The following KIF1A variants were observed in gnomAD, a reference collection of about 807,000 sequenced individuals.
KIF1A encodes the protein kinesin-like protein KIF1A.
Under a neutral mutation model 227.3 loss-of-function variants are expected in KIF1A, and 46 were observed. The ratio of observed to expected loss-of-function variants is 0.20; its 90% confidence interval spans 0.16 to 0.26. The LOEUF is 0.26. KIF1A is among the 10% of genes least tolerant of loss of function. The pLI is 1.00. For missense variants in KIF1A, 1,683 were observed against 2,485.9 expected (o/e 0.68, Z 6.87); for synonymous variants, 1,022 against 1,012.8 (o/e 1.01, Z -0.17).
intron 38 of KIF1A, among the ~76,000 whole-genome samples, chr2:240,732,134 A>AGGGGAGGAGGAAGAGGGGAGGG (rs1390526674): frequency 7.1e-5 from 1 of 14,012 alleles, no homozygotes; most frequent in African/African-American, 3.3e-4. Context: ...GGAGGGGAGG[A>AGGGGAGGAGGAAGAGGGGAGGG]GGGGATGAGG....
At chr2:240,731,010 G>A (rs535082366) in intron 38 of KIF1A, among the ~76,000 whole-genome samples, 5 of 152,324 alleles carry the variant, frequency 3.3e-5, no homozygotes, top group Non-Finnish European at 5.9e-5. Context: ...GCCTGACTGA[G>A]CCCTGCCCTG....
upstream of KIF1A, among the ~76,000 whole-genome samples, chr2:240,820,839 G>T (rs1483699694): frequency 6.6e-6 from 1 of 152,052 alleles, no homozygotes; most frequent in Non-Finnish European, 1.5e-5. The surrounding 1 kb of genome is among the most constrained non-coding windows in gnomAD (Gnocchi z 6.2). Flanking sequence ...CGGACCCGCC[G>T]CCTCGCCTCT....
In KIF1A at chr2:240,782,992, C is replaced by T. The variant is rs552446949; in HGVS notation, c.864+52G>A. Reference sequence around the variant, plus strand: ...CGAGGGTGACAGGGGCAGGATGGGGCGCCAAAGACCCTCTGGGGTTCTGGC... The same window carrying T: ...CGAGGGTGACAGGGGCAGGATGGGGTGCCAAAGACCCTCTGGGGTTCTGGC... On this transcript the variant is annotated intron_variant, in intron 9 of 48. Transcript: ENST00000498729. 46 of 1,421,250 alleles carry T rather than the reference C, an allele frequency of 3.2e-5. No individual in the cohort carries two copies. The East Asian group carries it at 6.8e-4, about 21-fold the overall frequency. 88.0% of individuals were successfully genotyped at this position (1,421,250 alleles called of 1,614,324 possible).
chr2:240,721,941 C>A, intron 43 of KIF1A, 57 bp from the exon 44 acceptor site: 1 of 1,420,480 alleles, frequency 7.0e-7, no homozygotes, highest in Non-Finnish European at 9.7e-7. Flanking sequence ...CCTGCTCAGA[C>A]AGCCTTGCAG....
At chr2:240,724,100 C>G in intron 40 of KIF1A, 64 bp from the exon 41 acceptor site, 1 of 1,450,128 alleles carries the variant, frequency 6.9e-7, no homozygotes, top group Non-Finnish European at 9.7e-7. Context: ...CACAGCCAGC[C>G]TGGCTGCTGA....
In KIF1A at chr2:240,722,531, G is replaced by A; in HGVS notation, c.4590C>T (p.Ser1530=). Residue 1530 remains serine, a synonymous_variant, in exon 43 of 49, where the codon TCC becomes TCT. Coordinates refer to ENST00000498729, the MANE Select transcript of KIF1A (RefSeq NM_001244008.2). ...GGCGGCCCTCAGCCGAGAGCGGGGA[G>A]GAGGCGCTGGAGGAGCCATGGGACT... The part of the protein sequence containing the change: ...DSESHGSSSA[S]SPLSAEGRPS... The A allele has an allele frequency of 4.5e-6, 7 of 1,548,836 alleles. No homozygotes were observed. The highest frequency in any genetic ancestry group is 6.1e-6 in the Non-Finnish European group (7 of 1,146,792).
chr2:240,771,994 G>A (rs1318052522), intron 14 of KIF1A, among the ~76,000 whole-genome samples: 1 of 152,244 alleles, frequency 6.6e-6, no homozygotes, highest in Non-Finnish European at 1.5e-5. Flanking sequence ...CAAGCTCGGG[G>A]AGGCACTGAG....
chr2:240,779,437 C>T (rs2053273268), intron 10 of KIF1A, among the ~76,000 whole-genome samples: 1 of 148,070 alleles, frequency 6.8e-6, no homozygotes, highest in Non-Finnish European at 1.5e-5. Flanking sequence ...CACTCACTTC[C>T]TCACTCAGCT....
Position 240,753,785 on chromosome 2 carries a change from G to A in KIF1A, c.2859-3238C>T, listed in dbSNP as rs146747555. On this transcript the variant is annotated intron_variant, in intron 27 of 48. Coordinates refer to ENST00000498729, the MANE Select transcript of KIF1A (RefSeq NM_001244008.2). ...ACCCAGGGTCTCAGCACATTAGAAC[G>A]ATGAAATATGGTACTTATACCTCAT... Among the ~76,000 whole-genome samples the A allele has an allele frequency of 5.3e-5, 8 of 152,286 alleles. No individual in the cohort carries two copies. In the South Asian group the frequency reaches 1.0e-3, roughly 20 times the overall value.
At chr2:240,801,912 CAG>C (rs1253395339) in intron 1 of KIF1A, among the ~76,000 whole-genome samples, 7 of 152,076 alleles carry the variant, frequency 4.6e-5, no homozygotes, top group Non-Finnish European at 7.4e-5. Context: ...TGGACCAAAA[CAG>C]GGGAGAAGCA....
At chr2:240,782,413 C>T (rs1371961818) in intron 10 of KIF1A, among the ~76,000 whole-genome samples, 177 bp downstream of exon 10, 1 of 152,186 alleles carries the variant, frequency 6.6e-6, no homozygotes, top group Non-Finnish European at 1.5e-5. Context: ...CCCGCAGGCA[C>T]AGGCACCGCA....
intron 38 of KIF1A, among the ~76,000 whole-genome samples, chr2:240,731,741 C>T (rs924252708): frequency 6.6e-6 from 1 of 152,204 alleles, no homozygotes; most frequent in Non-Finnish European, 1.5e-5. Flanking sequence ...GGAAGACCCC[C>T]ACAGTCCCCC....
chr2:240,736,589 C>T lies in KIF1A; in HGVS notation c.4007+474G>A, dbSNP rs995041054. Among the ~76,000 whole-genome samples the T allele has an allele frequency of 7.2e-5, 11 of 152,330 alleles. No homozygotes were observed. Among genetic ancestry groups the T allele is most frequent in the Non-Finnish European group, 5.9e-5 (4 of 68,028 alleles). On this transcript the variant is annotated intron_variant, in intron 38 of 48. Coordinates refer to ENST00000498729, the MANE Select transcript of KIF1A (RefSeq NM_001244008.2). The surrounding 1 kb of genome is among the most constrained non-coding windows in gnomAD (Gnocchi z 4.7). The stretch of plus-strand genomic sequence containing the variant: ...CCCAGACTGTGGGGTCTTGGCCGTG[C>T]AAGGAGTGTAGGAAGGAGCAGCCTG...
At chr2:240,724,058 A>C in intron 40 of KIF1A, 22 bp from the exon 41 acceptor site, 3 of 1,607,938 alleles carry the variant, frequency 1.9e-6, no homozygotes, top group Non-Finnish European at 2.6e-6. Flanking sequence ...AGAAGGAGTG[A>C]CATGCAGTCA....
rs534367981 is a variant in KIF1A at position 240,780,798 on chromosome 2, CCACACA to C, written c.882+1786_882+1791del. 2.5e-3 allele frequency among the ~76,000 whole-genome samples: 86 copies of C among 34,888 alleles called. 4 individuals are homozygous for C. Among genetic ancestry groups the C allele is most frequent in the African/African-American group, 0.01 (43 of 4,298 alleles). The allele number at this position is 34,888 out of a possible 152,430, so 22.9% of individuals were successfully genotyped here. A position where few individuals can be genotyped will look rare whatever the true frequency, so the allele number is the denominator to read the frequency against. On this transcript the variant is annotated intron_variant, in intron 10 of 48. Transcript: ENST00000498729. ...CACACACACACACACACACACAGCT[CCACACA>C]CACACACACACACACACACACAGCT...
chr2:240,723,768 G>A (rs1406936488), intron 41 of KIF1A, among the ~76,000 whole-genome samples: 5 of 152,186 alleles, frequency 3.3e-5, no homozygotes, highest in Admixed American at 6.5e-5. Context: ...CATCTCGGCT[G>A]TGCCCTGGGA....
rs574445232 is a variant in KIF1A, at chr2:240,818,151, G to A, written c.-61+1971C>T. 2.9e-3 allele frequency among the ~76,000 whole-genome samples: 444 copies of A among 152,156 alleles called. 1 individual carries two copies. Among genetic ancestry groups the A allele is most frequent in the African/African-American group, 0.01 (427 of 41,512 alleles). On this transcript the variant is annotated intron_variant, in intron 1 of 48. Coordinates refer to ENST00000498729, the MANE Select transcript of KIF1A (RefSeq NM_001244008.2). ...ACAGGGACCTCCCTGGGCCCGGCCC[G>A]GGACCCCTGCCTTGACAACTGATTC...
Position 240,737,006 on chromosome 2 carries a change from G to T in KIF1A, c.4007+57C>A, listed in dbSNP as rs920682932. ...TGAACCCTGTGCCGGGTTGGCTGAG[G>T]GCCTGGCAGGCTGGGAACATGCCCT... On this transcript the variant is annotated intron_variant, in intron 38 of 48. Coordinates refer to ENST00000498729, the MANE Select transcript of KIF1A (RefSeq NM_001244008.2). 5.7e-6 allele frequency: 8 copies of T among 1,413,506 alleles called. No homozygotes were observed. In the African/African-American group the frequency reaches 1.1e-4, roughly 20 times the overall value. 87.6% of individuals were successfully genotyped at this position (1,413,506 alleles called of 1,614,324 possible). A position where few individuals can be genotyped will look rare whatever the true frequency, so the allele number is the denominator to read the frequency against.
intron 1 of KIF1A, among the ~76,000 whole-genome samples, chr2:240,809,454 A>C (rs1157584760): frequency 6.6e-6 from 1 of 152,214 alleles, no homozygotes; most frequent in East Asian, 1.9e-4. Context: ...CCCTTTTGAC[A>C]TCTGGGAAAG....
Sources: allele counts gnomAD v4.1 joint callset (sites outside exome capture counted in the v4.1 genomes callset), GRCh38; gene constraint gnomAD v4.1.1; non-coding constraint Gnocchi (gnomAD v3.1); transcripts MANE v1.5; gene names NCBI Gene and HGNC (gene_info 2026-07-23, HGNC 2026-07-21).